Variants in PAK5 observed in about 807,000 individuals in gnomAD.
PAK5 encodes p21 (RAC1) activated kinase 5.
PAK5 carries 16 observed loss-of-function variants against 65.9 expected under a neutral mutation model. The observed-to-expected ratio is 0.24, with a 90% confidence interval of 0.16 to 0.37. The LOEUF is 0.37. Ranked by LOEUF, PAK5 falls within the 10% of genes least tolerant of loss-of-function variation. The pLI, the probability that PAK5 is intolerant of heterozygous loss-of-function variation, is 1.00. For synonymous variants in PAK5, 371 were observed against 354.9 expected (o/e 1.05, Z -0.51); for missense variants, 785 against 903.9 (o/e 0.87, Z 1.69).
chr20:9,834,572 A>T (rs1158598289), intron 1 of PAK5, among the ~76,000 whole-genome samples: 1 of 152,152 alleles, frequency 6.6e-6, no homozygotes, highest in African/African-American at 2.4e-5. Context: ...ATATGTGCAG[A>T]TACCTTTTTC....
At chr20:9,788,414 C>T (rs1265805641) in intron 1 of PAK5, among the ~76,000 whole-genome samples, 1 of 151,976 alleles carries the variant, frequency 6.6e-6, no homozygotes, top group Non-Finnish European at 1.5e-5. Flanking sequence ...AGGATGAAAT[C>T]CATCCCCGTT....
At chr20:9,804,697 G>A (rs371506910) in intron 1 of PAK5, among the ~76,000 whole-genome samples, 11 of 152,106 alleles carry the variant, frequency 7.2e-5, no homozygotes, top group South Asian at 4.1e-4. Context: ...GCAAGCAACC[G>A]AAGAAAAATG....
At chr20:9,595,303 A>T (rs1230579540) in intron 3 of PAK5, among the ~76,000 whole-genome samples, 1 of 152,160 alleles carries the variant, frequency 6.6e-6, no homozygotes, top group Non-Finnish European at 1.5e-5. Context: ...GCATTCTGTG[A>T]CTGAATGATG....
At chr20:9,639,786 G>A (rs929260484) in intron 3 of PAK5, among the ~76,000 whole-genome samples, 1 of 152,232 alleles carries the variant, frequency 6.6e-6, no homozygotes, top group African/African-American at 2.4e-5. Flanking sequence ...CCAACTCTCA[G>A]TGGGACTGAT....
chr20:9,576,063 A>G (rs188115257), intron 4 of PAK5, among the ~76,000 whole-genome samples: 44 of 152,326 alleles, frequency 2.9e-4, no homozygotes, highest in African/African-American at 9.4e-4. Context: ...CACTGCCACC[A>G]TTCATCTACA....
intron 6 of PAK5, among the ~76,000 whole-genome samples, chr20:9,561,143 G>T (rs1160073693): frequency 3.3e-5 from 5 of 152,132 alleles, no homozygotes; most frequent in African/African-American, 1.2e-4. Flanking sequence ...ATTTTGTTTT[G>T]CCTCTGGAGT....
intron 1 of PAK5, among the ~76,000 whole-genome samples, chr20:9,826,422 A>G (rs574472334): frequency 5.9e-5 from 9 of 152,312 alleles, no homozygotes; most frequent in Admixed American, 2.0e-4. Flanking sequence ...AGTAGGCTCT[A>G]ACTGGTAAGT....
At chr20:9,624,254 T>C (rs578229085) in intron 3 of PAK5, among the ~76,000 whole-genome samples, 222 of 152,290 alleles carry the variant, frequency 1.5e-3, no homozygotes, top group Non-Finnish European at 2.4e-3. Context: ...GCAACTTTTG[T>C]CCAGTCCTAT....
chr20:9,618,408 T>A (rs1211592545), intron 3 of PAK5, among the ~76,000 whole-genome samples: 2 of 148,284 alleles, frequency 1.3e-5, no homozygotes, highest in Non-Finnish European at 3.0e-5. Context: ...TGGAACTTTT[T>A]TTTTTTTTTT....
intron 1 of PAK5, among the ~76,000 whole-genome samples, chr20:9,776,006 AG>A (rs2048883577): frequency 6.6e-6 from 1 of 152,252 alleles, no homozygotes. Context: ...CATGTAGTAA[AG>A]AAATAGTGAT....
intron 1 of PAK5, among the ~76,000 whole-genome samples, chr20:9,746,435 A>G (rs931286126): frequency 2.0e-5 from 3 of 152,090 alleles, no homozygotes; most frequent in Non-Finnish European, 2.9e-5. Flanking sequence ...CATATGGCTT[A>G]CTACAATATA....
At chr20:9,811,553 T>C (rs1207816695) in intron 1 of PAK5, among the ~76,000 whole-genome samples, 1 of 152,206 alleles carries the variant, frequency 6.6e-6, no homozygotes, top group African/African-American at 2.4e-5. Context: ...CTCTTAAAGG[T>C]TGCATGACTG....
chr20:9,831,482 T>C (rs1978711148), intron 1 of PAK5, among the ~76,000 whole-genome samples: 1 of 152,256 alleles, frequency 6.6e-6, no homozygotes, highest in African/African-American at 2.4e-5. Flanking sequence ...GATTTTTTAA[T>C]TCTGATTCAT....
At chr20:9,682,439 G>A (rs2047663326) in intron 2 of PAK5, among the ~76,000 whole-genome samples, 2 of 152,106 alleles carry the variant, frequency 1.3e-5, no homozygotes, top group Non-Finnish European at 2.9e-5. Context: ...AGAAAGATGT[G>A]AGGTGAATCT....
intron 1 of PAK5, among the ~76,000 whole-genome samples, chr20:9,759,156 T>C (rs1043387273): frequency 6.6e-6 from 1 of 152,024 alleles, no homozygotes; most frequent in Non-Finnish European, 1.5e-5. Context: ...AGATAACAAA[T>C]CCAGGAAAAG....
chr20:9,553,744 A>G (rs73895906), intron 7 of PAK5, among the ~76,000 whole-genome samples: 13,751 of 152,188 alleles, frequency 0.09, 1,346 homozygotes, highest in African/African-American at 0.24. Flanking sequence ...TTGTTTAATC[A>G]TTCGCCCTTT....
chr20:9,578,851 T>C (rs1309288563), intron 4 of PAK5, among the ~76,000 whole-genome samples: 1 of 152,012 alleles, frequency 6.6e-6, no homozygotes, highest in African/African-American at 2.4e-5. Flanking sequence ...GGTGTTCAAG[T>C]ACATTAATAC....
chr20:9,557,810 T>G, intron 6 of PAK5, 76 bp from the exon 7 acceptor site: 1 of 1,264,944 alleles, frequency 7.9e-7, no homozygotes, highest in East Asian at 2.4e-5. Flanking sequence ...GGCAGCTCCC[T>G]TGTGCTTTAG....
At chr20:9,587,256 A>T (rs888377835) in intron 3 of PAK5, among the ~76,000 whole-genome samples, 1 of 152,208 alleles carries the variant, frequency 6.6e-6, no homozygotes, top group Non-Finnish European at 1.5e-5. Flanking sequence ...GTGGGAAAAA[A>T]GGGATAATTG....
Sources: gnomAD v4.1 joint callset for allele counts (sites outside exome capture counted in the v4.1 genomes callset) on GRCh38, gnomAD v4.1.1 for gene constraint, MANE v1.5 for transcripts, NCBI Gene and HGNC (gene_info 2026-07-23, HGNC 2026-07-21) for gene names.